COG2: variants seen among roughly 807,000 people sequenced by gnomAD.
COG2 encodes component of oligomeric golgi complex 2, also known as conserved oligomeric Golgi complex subunit 2.
COG2 carries 52 observed loss-of-function variants against 90.6 expected under a neutral mutation model. The observed-to-expected ratio is 0.57, with a 90% confidence interval of 0.46 to 0.72. The LOEUF is 0.72. COG2 is among the 30% of genes least tolerant of loss of function. The probability of loss-of-function intolerance (pLI) is 0.00; values close to 1 mark genes in which losing one functional copy is unlikely to be tolerated. For synonymous variants in COG2, 337 were observed against 320.4 expected, an observed-to-expected ratio of 1.05 and a Z score of -0.55; for missense variants, 829 against 891.2, an observed-to-expected ratio of 0.93 and a Z score of 0.89.
At position 230,642,686 on chromosome 1, in the gene COG2, C is replaced by T. The variant is rs1384236081; in HGVS notation, c.72+8C>T. 6.2e-7 allele frequency: 1 copy of T among 1,611,052 alleles called. No homozygotes were observed. The highest frequency in any genetic ancestry group is 8.5e-7 in the Non-Finnish European group (1 of 1,178,842). On this transcript the variant is annotated splice_region_variant and intron_variant, in intron 1 of 17. Coordinates refer to ENST00000366669, the MANE Select transcript of COG2 (RefSeq NM_007357.3). ...AAGGACGAGTTCATGAAGGTGCGCGCGGCGTCCGCTCCCCGGAGCCGGGCC... is the reference window on the plus strand; with the variant it reads ...AAGGACGAGTTCATGAAGGTGCGCGTGGCGTCCGCTCCCCGGAGCCGGGCC...
At chr1:230,691,216 T>C (rs1204976245) in intron 16 of COG2, among the ~76,000 whole-genome samples, 168 bp from the exon 17 acceptor site, 3 of 152,068 alleles carry the variant, frequency 2.0e-5, no homozygotes, top group African/African-American at 7.2e-5. Flanking sequence ...TATACACATA[T>C]ATATATAAAA....
Position 230,690,034 on chromosome 1 carries a change from C to T in COG2, c.1815C>T (p.Ser605=). Residue 605 remains serine (S), a synonymous_variant, in exon 16 of 18, where the codon TCC becomes TCT. Transcript: ENST00000366669. ...TCCAGGAGGTCCCAACCACAGCTTC[C>T]TCCTATGTGGACAGTGCTCTGAAGC... ...RTNKEVPTTA[S]SYVDSALKPL... is the part of the protein sequence containing the mutation. 1 of 1,603,166 alleles carries T rather than the reference C, an allele frequency of 6.2e-7. No individual in the cohort carries two copies.
At chr1:230,686,585 G>T (rs954555351) in intron 12 of COG2, among the ~76,000 whole-genome samples, 5 of 151,978 alleles carry the variant, frequency 3.3e-5, no homozygotes, top group Non-Finnish European at 1.5e-5. Flanking sequence ...AATGTATTAC[G>T]CTATGTTATT....
At chr1:230,653,802 C>T (rs1661976327) in intron 1 of COG2, among the ~76,000 whole-genome samples, 1 of 152,010 alleles carries the variant, frequency 6.6e-6, no homozygotes, top group African/African-American at 2.4e-5. Flanking sequence ...CATCATGTGG[C>T]AGAAGTTGGA....
At chr1:230,656,895 C>T (rs1662069239) in intron 1 of COG2, among the ~76,000 whole-genome samples, 1 of 152,072 alleles carries the variant, frequency 6.6e-6, no homozygotes, top group South Asian at 2.1e-4. Context: ...ATTGCAACTC[C>T]TGCTTCTTTT....
At chr1:230,676,293 G>A (rs537921692) in intron 9 of COG2, among the ~76,000 whole-genome samples, 2 of 150,318 alleles carry the variant, frequency 1.3e-5, no homozygotes, top group South Asian at 2.1e-4. Flanking sequence ...CACCTTCTTC[G>A]TATTTTAGAC....
rs16852166 is a variant in COG2 at position 230,664,710 on chromosome 1, T to C, written c.485+123T>C. On this transcript the variant is annotated intron_variant, in intron 5 of 17. Coordinates refer to ENST00000366669, the MANE Select transcript of COG2 (RefSeq NM_007357.3). The stretch of plus-strand genomic sequence containing the variant: ...CAGTCTATGGCTTAGTGTTTTTAAA[T>C]GTAGCTCAAGCAAAGCAGAGTGCAT... 4,278 of 527,320 alleles carry C rather than the reference T, an allele frequency of 8.1e-3. 147 individuals are homozygous for C. Among genetic ancestry groups the C allele is most frequent in the African/African-American group, 0.075 (3,807 of 50,596 alleles). The allele number at this position is 527,320 out of a possible 1,614,324, so 32.7% of individuals were successfully genotyped here.
intron 1 of COG2, among the ~76,000 whole-genome samples, chr1:230,644,407 G>A (rs1393642345): frequency 6.6e-6 from 1 of 152,198 alleles, no homozygotes; most frequent in East Asian, 1.9e-4. Flanking sequence ...ATGGCAGAAA[G>A]GATGGTTGGA....
In COG2 at chr1:230,659,536, C is replaced by T. The variant is rs142733439; in HGVS notation, c.145C>T (p.Leu49=). ...CCAGCTGGAAGAACTGAGAGATGAC[C>T]TGGAGCTCTACTATAAACTTCTTAA... ...RVQLEELRDD[L]ELYYKLLKTA... Residue 49 remains leucine, a synonymous_variant, in exon 2 of 18, where the codon CTG becomes TTG. Transcript: ENST00000366669. The T allele has an allele frequency of 4.1e-5, 66 of 1,613,808 alleles. No homozygotes were observed. The Middle Eastern group carries it at 9.9e-4, about 24-fold the overall frequency.
chr1:230,687,002 A>G lies in COG2; in HGVS notation c.1448A>G (p.Lys483Arg). 3 of 1,609,760 alleles carry G rather than the reference A, an allele frequency of 1.9e-6. No homozygotes were observed. The highest frequency in any genetic ancestry group is 2.5e-6 in the Non-Finnish European group (3 of 1,177,276). ...AAGAAACCTTTGGTAACTGGTAGCA[A>G]AGAACCTTCCATCACCCAAGGAAAC... Reference protein sequence around the residue: ...EIKKPLVTGSKEPSITQGNTE... With the variant: ...EIKKPLVTGSREPSITQGNTE... Residue 483 changes from lysine (K) to arginine (R), a missense_variant, in exon 13 of 18, where the codon AAA becomes AGA. By Grantham distance (26) the Lys-to-Arg change is conservative. Transcript: ENST00000366669.
rs765117486 is a variant in COG2 at position 230,683,538 on chromosome 1, C to A, written c.1167-36C>A. 3 of 1,491,458 alleles carry A rather than the reference C, an allele frequency of 2.0e-6. No homozygotes were observed. In the East Asian group the frequency reaches 7.0e-5, roughly 35 times the overall value. The allele number at this position is 1,491,458 out of a possible 1,614,324, so 92.4% of individuals were successfully genotyped here. A position where few individuals can be genotyped will look rare whatever the true frequency, so the allele number is the denominator to read the frequency against. The stretch of plus-strand genomic sequence containing the variant: ...GATAGGGAAAGGCATCTGTCAGAGT[C>A]ATAAACATTAATTCTTCTTCTTGTT... On this transcript the variant is annotated intron_variant, in intron 10 of 17. Coordinates refer to ENST00000366669, the MANE Select transcript of COG2 (RefSeq NM_007357.3).
chr1:230,659,446 T>C lies in COG2; in HGVS notation c.73-18T>C, dbSNP rs1662134362. 3 of 1,608,860 alleles carry C rather than the reference T, an allele frequency of 1.9e-6. No homozygotes were observed. The highest frequency in any genetic ancestry group is 1.1e-5 in the South Asian group (1 of 90,822). On this transcript the variant is annotated intron_variant, in intron 1 of 17. Coordinates refer to ENST00000366669, the MANE Select transcript of COG2 (RefSeq NM_007357.3). ...ATATCATTGCTATAATTTTTTCTTC[T>C]CTGGTTTTATTTTTCAGGAAGATTT... is the stretch of plus-strand genomic sequence containing the variant.
intron 12 of COG2, 114 bp downstream of exon 12, chr1:230,685,350 A>G (rs1662862424): frequency 2.9e-6 from 3 of 1,047,582 alleles, no homozygotes; most frequent in Admixed American, 2.4e-5. Context: ...TCAGAGGACC[A>G]CAGTAGTCTG....
chr1:230,690,282 CAG>C, intron 16 of COG2, 129 bp downstream of exon 16: 2 of 784,900 alleles, frequency 2.5e-6, no homozygotes, highest in South Asian at 3.7e-5. Flanking sequence ...CTGGATTAGT[CAG>C]AGTGTGTGTC....
At chr1:230,676,822 C>G (rs576576912) in intron 9 of COG2, among the ~76,000 whole-genome samples, 1 of 152,150 alleles carries the variant, frequency 6.6e-6, no homozygotes, top group African/African-American at 2.4e-5. Context: ...GAATTCTCAG[C>G]ACTTTGAGTG....
At chr1:230,645,541 T>C (rs1338966075) in intron 1 of COG2, among the ~76,000 whole-genome samples, 4 of 152,120 alleles carry the variant, frequency 2.6e-5, no homozygotes, top group Non-Finnish European at 5.9e-5. Context: ...TGTAGGGCAA[T>C]GGTCCCCAAC....
chr1:230,668,273 G>A (rs1287748786), intron 5 of COG2, among the ~76,000 whole-genome samples: 3 of 151,946 alleles, frequency 2.0e-5, no homozygotes, highest in Admixed American at 6.6e-5. Flanking sequence ...AAAGGGGAGA[G>A]GGGGAAGAGG....
rs762279486 is a variant in COG2, at chr1:230,642,621, G to A, written c.15G>A (p.Arg5=). ...TGGCCGGCGGGATGGAGAAAAGTAG[G>A]ATGAACCTGCCCAAGGGGCCGGACA... MEKS[R]MNLPKGPDTL... The change falls in exon 1 of 18, where the codon AGG becomes AGA. Residue 5 remains arginine (R), a synonymous_variant. Coordinates refer to ENST00000366669, the MANE Select transcript of COG2 (RefSeq NM_007357.3). 3.7e-6 allele frequency: 6 copies of A among 1,613,018 alleles called. No homozygotes were observed. In the South Asian group the frequency reaches 4.4e-5, roughly 12 times the overall value.
intron 1 of COG2, among the ~76,000 whole-genome samples, chr1:230,643,391 A>G (rs1186175600): frequency 6.6e-6 from 1 of 152,230 alleles, no homozygotes; most frequent in Non-Finnish European, 1.5e-5. Context: ...CTTTGCTCCT[A>G]CTTGGTGTAT....
Sources: gnomAD v4.1 joint callset for allele counts (sites outside exome capture counted in the v4.1 genomes callset) on GRCh38, gnomAD v4.1.1 for gene constraint, MANE v1.5 for transcripts, NCBI Gene and HGNC (gene_info 2026-07-23, HGNC 2026-07-21) for gene names.